GAB1: variants seen among roughly 807,000 people sequenced by gnomAD.
GAB1 encodes GRB2-associated-binding protein 1.
In GAB1, 19 loss-of-function variants were observed where a neutral mutation model predicts 66.5. The ratio of observed to expected loss-of-function variants is 0.29; its 90% CI spans 0.20 to 0.42. The LOEUF is 0.42. Ranked by LOEUF, GAB1 falls within the 10% of genes least tolerant of loss-of-function variation. The pLI, the probability that GAB1 is intolerant of heterozygous loss-of-function variation, is 1.00. For synonymous variants in GAB1, 294 were observed against 301.4 expected (o/e 0.98, Z 0.25); for missense variants, 732 against 858.5 (o/e 0.85, Z 1.84).
chr4:143,355,810 C>T (rs1266073835), intron 1 of GAB1, among the ~76,000 whole-genome samples: 1 of 152,128 alleles, frequency 6.6e-6, no homozygotes, highest in African/African-American at 2.4e-5. Context: ...GAATGAGTCA[C>T]CATGGGTAAG....
chr4:143,407,349 AG>A (rs1732102938), intron 1 of GAB1, among the ~76,000 whole-genome samples: 1 of 151,906 alleles, frequency 6.6e-6, no homozygotes, highest in African/African-American at 2.4e-5. Context: ...AATTTCAACA[AG>A]TAAATTATAT....
intron 6 of GAB1, among the ~76,000 whole-genome samples, chr4:143,443,899 TTAAACA>T (rs1260854593): frequency 6.6e-6 from 1 of 152,222 alleles, no homozygotes; most frequent in Admixed American, 6.5e-5. Context: ...TTCTGAACAC[TTAAACA>T]TAATTATCTT....
intron 1 of GAB1, among the ~76,000 whole-genome samples, chr4:143,339,251 T>G (rs866715769): frequency 6.6e-6 from 1 of 152,244 alleles, no homozygotes; most frequent in Non-Finnish European, 1.5e-5. Flanking sequence ...TCCTTCAGGC[T>G]CACACCTGTA....
In GAB1 at chr4:143,438,205, A is replaced by C. The variant is rs769123047; in HGVS notation, c.800A>C (p.His267Pro). 1 of 1,614,064 alleles carries C rather than the reference A, an allele frequency of 6.2e-7. No homozygotes were observed. The highest frequency in any genetic ancestry group is 8.5e-7 in the Non-Finnish European group (1 of 1,180,008). The change falls in exon 4 of 10, where the codon CAT becomes CCT. Residue 267 changes from histidine (H) to proline (P), a missense_variant. Around this residue, in one of 4 missense-constraint regions of GAB1, gnomAD observed 427 missense variants for 420.6 expected, o/e 1.02. Transcript: ENST00000262994. ...SLYNLPRSYS[H>P]DVLPKVSPSS... ...TATAACCTGCCCAGGAGTTATTCCC[A>C]TGATGTTTTACCAAAGGTGTCTCCA...
chr4:143,337,307 C>T (rs1438995308), intron 1 of GAB1, 47 bp downstream of exon 1: 1 of 1,495,454 alleles, frequency 6.7e-7, no homozygotes, highest in Non-Finnish European at 9.1e-7. Flanking sequence ...GCGTCCACAC[C>T]CCTCCCCAGT....
At chr4:143,361,091 G>C (rs146327369) in intron 1 of GAB1, among the ~76,000 whole-genome samples, 32 of 152,186 alleles carry the variant, frequency 2.1e-4, no homozygotes, top group African/African-American at 7.7e-4. Context: ...GTTAAGCAGG[G>C]GGTTAAAAAT....
At chr4:143,366,294 A>C (rs1473620892) in intron 1 of GAB1, among the ~76,000 whole-genome samples, 1 of 152,214 alleles carries the variant, frequency 6.6e-6, no homozygotes, top group Non-Finnish European at 1.5e-5. Context: ...CATTAATAAC[A>C]ATTAAGAGCA....
Position 143,368,564 on chromosome 4 carries a change from T to C in GAB1, c.72+31304T>C, listed in dbSNP as rs6820333. On this transcript the variant is annotated intron_variant, in intron 1 of 9. Coordinates refer to ENST00000262994, the MANE Select transcript of GAB1 (RefSeq NM_002039.4). ...GCAATTTAAAATGTTTTAATTGTAA[T>C]ATACAAGTAGTTCTTGGCAGTAGAT... Among the ~76,000 whole-genome samples the C allele has an allele frequency of 2.9e-3, 435 of 152,350 alleles. 2 individuals carry two copies. Among genetic ancestry groups the C allele is most frequent in the Middle Eastern group, 0.017 (5 of 294 alleles).
intron 1 of GAB1, chr4:143,343,680 A>AT (rs1390652849): frequency 6.5e-6 from 1 of 154,824 alleles, no homozygotes; most frequent in Non-Finnish European, 1.5e-5. Context: ...AGAACAGGGG[A>AT]TGCAGGGGTA....
intron 1 of GAB1, among the ~76,000 whole-genome samples, chr4:143,377,252 C>T (rs1163787623): frequency 6.6e-6 from 1 of 152,162 alleles, no homozygotes; most frequent in East Asian, 1.9e-4. Context: ...GTTAACTGAA[C>T]TTATCCTAAT....
intron 1 of GAB1, among the ~76,000 whole-genome samples, chr4:143,378,575 A>G (rs1341831126): frequency 6.6e-6 from 1 of 151,844 alleles, no homozygotes. Context: ...TTTGACCTAC[A>G]TGGATGATAG....
At chr4:143,393,460 T>C (rs1731285140) in intron 1 of GAB1, among the ~76,000 whole-genome samples, 1 of 152,176 alleles carries the variant, frequency 6.6e-6, no homozygotes, top group South Asian at 2.1e-4. Flanking sequence ...TTACTTAATG[T>C]CTTTGTGACT....
intron 9 of GAB1, 97 bp from the exon 10 acceptor site, chr4:143,468,934 A>AG (rs1735945319): frequency 3.1e-6 from 4 of 1,280,144 alleles, no homozygotes; most frequent in Admixed American, 4.8e-5. Flanking sequence ...AAAAAAAAAA[A>AG]GTATTCACAG....
At chr4:143,405,137 T>C (rs1480930275) in intron 1 of GAB1, among the ~76,000 whole-genome samples, 1 of 152,206 alleles carries the variant, frequency 6.6e-6, no homozygotes, top group East Asian at 1.9e-4. Context: ...CATATGCCAT[T>C]TTGTTCTTAT....
At chr4:143,411,269 T>A (rs1166956352) in intron 1 of GAB1, among the ~76,000 whole-genome samples, 1 of 152,176 alleles carries the variant, frequency 6.6e-6, no homozygotes, top group African/African-American at 2.4e-5. Context: ...TACTTTTAAG[T>A]TACCCCAAAA....
chr4:143,430,791 T>A (rs1326836075), intron 2 of GAB1, among the ~76,000 whole-genome samples: 1 of 152,222 alleles, frequency 6.6e-6, no homozygotes, highest in Non-Finnish European at 1.5e-5. Flanking sequence ...TTATATGCTT[T>A]TGAATTTAGT....
chr4:143,460,465 C>T lies in GAB1; in HGVS notation c.1781C>T (p.Pro594Leu). 3 of 1,613,678 alleles carry T rather than the reference C, an allele frequency of 1.9e-6. No homozygotes were observed. Among genetic ancestry groups the T allele is most frequent in the Non-Finnish European group, 2.5e-6 (3 of 1,179,750 alleles). ...GAAGAGAATTATGTTCCCATGAACC[C>T]AAACCTGTCCAGTGAAGACCCAGTA... ...DSEENYVPMN[P>L]NLSSEDPNLF... Residue 594 changes from proline to leucine, a missense_variant, in exon 8 of 10, where the codon CCA (proline) becomes CTA (leucine). By Grantham distance (98) the Pro-to-Leu change is moderately conservative. This residue lies in a region of GAB1 where 204 missense variants were observed against 276.8 expected (regional missense o/e 0.74). Coordinates refer to ENST00000262994, the MANE Select transcript of GAB1 (RefSeq NM_002039.4).
intron 2 of GAB1, among the ~76,000 whole-genome samples, chr4:143,431,410 C>T (rs957018075): frequency 1.3e-5 from 2 of 151,962 alleles, no homozygotes; most frequent in African/African-American, 4.8e-5. Flanking sequence ...AAAACAAGAC[C>T]CAGGAAGAGA....
intron 1 of GAB1, among the ~76,000 whole-genome samples, chr4:143,342,856 C>T (rs953317525): frequency 6.6e-6 from 1 of 151,982 alleles, no homozygotes; most frequent in African/African-American, 2.4e-5. Context: ...AGCCACCGTG[C>T]CCAGCCAGAG....
Sources: gnomAD v4.1 joint callset for allele counts (sites outside exome capture counted in the v4.1 genomes callset) on GRCh38, gnomAD v4.1.1 for gene constraint, gnomAD v4.1.1 regional missense constraint, MANE v1.5 for transcripts, NCBI Gene and HGNC (gene_info 2026-07-23, HGNC 2026-07-21) for gene names.